ZNF740: variants seen among roughly 807,000 people sequenced by gnomAD.
ZNF740 encodes zinc finger protein 740.
A neutral mutation model predicts 24.8 loss-of-function variants in ZNF740; 14 were observed. The ratio of observed to expected loss-of-function variants is 0.56; its 90% CI spans 0.37 to 0.88. The LOEUF is 0.88. Among genes scored for constraint, ZNF740 ranks in the 40% least tolerant of loss-of-function variants. The pLI, the probability that ZNF740 is intolerant of heterozygous loss-of-function variation, is 0.00. For missense variants in ZNF740, 201 were observed against 247.9 expected (o/e 0.81, Z 1.27); for synonymous variants, 69 against 84.0 (o/e 0.82, Z 0.98).
rs1432199265 is a variant in ZNF740, at chr12:53,184,972, A to T, written c.91A>T (p.Ile31Phe). 1 of 1,614,038 alleles carries T rather than the reference A, an allele frequency of 6.2e-7. No individual in the cohort carries two copies. Among genetic ancestry groups the T allele is most frequent in the African/African-American group, 1.3e-5 (1 of 75,058 alleles). The change falls in exon 3 of 7, where the codon ATT (isoleucine) becomes TTT (phenylalanine). Residue 31 changes from isoleucine (I) to phenylalanine (F), a missense_variant. Ile to Phe is a conservative substitution (Grantham distance 21, BLOSUM62 0). Coordinates refer to ENST00000416904, the MANE Select transcript of ZNF740 (RefSeq NM_001004304.4). The part of the protein sequence containing the change: ...AASKKMMLSQ[I>F]ASKQAENGER... ...CAGCAAGAAGATGATGCTGAGCCAG[A>T]TTGCCAGCAAGCAGGCCGAGAATGG...
Position 53,191,980 on chromosome 12 carries a change from A to G in ZNF740, c.*4390A>G. On this transcript the variant is annotated 3_prime_UTR_variant, in exon 7 of 7. Transcript: ENST00000416904. Reference sequence around the variant, plus strand: ...CAGCCCCACTGCCACGATGCCCCCTACGCAGCCCAGCACAATGGCCTGCGT... The same window carrying G: ...CAGCCCCACTGCCACGATGCCCCCTGCGCAGCCCAGCACAATGGCCTGCGT... The G allele has an allele frequency of 6.2e-7, 1 of 1,612,370 alleles. No individual in the cohort carries two copies. Among genetic ancestry groups the G allele is most frequent in the Non-Finnish European group, 8.5e-7 (1 of 1,179,898 alleles).
Position 53,192,270 on chromosome 12 carries a change from C to A in ZNF740, c.*4680C>A. The A allele has an allele frequency of 6.6e-7, 1 of 1,524,430 alleles. No individual in the cohort carries two copies. The highest frequency in any genetic ancestry group is 9.1e-7 in the Non-Finnish European group (1 of 1,102,106). The allele number at this position is 1,524,430 out of a possible 1,614,324, so 94.4% of individuals were successfully genotyped here. Reference sequence around the variant, plus strand: ...TTTCCCATTATCTTCACTCTGCATCCCCAGAGTTGAGACCCTGCCCATCAA... The same window carrying A: ...TTTCCCATTATCTTCACTCTGCATCACCAGAGTTGAGACCCTGCCCATCAA... On this transcript the variant is annotated 3_prime_UTR_variant, in exon 7 of 7. Transcript: ENST00000416904.
rs1462873039 is a variant in ZNF740, at chr12:53,192,955, A to T, written c.*5365A>T. On this transcript the variant is annotated 3_prime_UTR_variant, in exon 7 of 7. Transcript: ENST00000416904. ...AGGGTGACAACCATACTCCACACACACAGTTGGCCATCATGTGGCACGACA... is the reference window on the plus strand; with the variant it reads ...AGGGTGACAACCATACTCCACACACTCAGTTGGCCATCATGTGGCACGACA... The T allele has an allele frequency of 6.3e-7, 1 of 1,575,196 alleles. No homozygotes were observed. Among genetic ancestry groups the T allele is most frequent in the African/African-American group, 1.3e-5 (1 of 74,154 alleles).
Position 53,191,396 on chromosome 12 carries a change from G to T in ZNF740, c.*3806G>T. 1.5e-6 allele frequency: 1 copy of T among 657,184 alleles called. No individual in the cohort carries two copies. The allele number at this position is 657,184 out of a possible 1,614,324, so 40.7% of individuals were successfully genotyped here. A position where few individuals can be genotyped will look rare whatever the true frequency, so the allele number is the denominator to read the frequency against. On this transcript the variant is annotated 3_prime_UTR_variant, in exon 7 of 7. Transcript: ENST00000416904. The stretch of plus-strand genomic sequence containing the variant: ...TGCAAGGTTGCAGGCATGGGAAGCA[G>T]CCCTCTTGGGTGTCACTCTGAAAAT...
Position 53,182,009 on chromosome 12 carries a change from T to G in ZNF740, c.9+17T>G. 6.2e-7 allele frequency: 1 copy of G among 1,606,166 alleles called. No homozygotes were observed. The highest frequency in any genetic ancestry group is 8.5e-7 in the Non-Finnish European group (1 of 1,176,164). On this transcript the variant is annotated intron_variant, in intron 2 of 6. Transcript: ENST00000416904. ...ATGGCTCAGGTAAAAAGCTCTAGAG[T>G]CCTCCTCCAAGATAACTGGGAAGCC...
Position 53,192,731 on chromosome 12 carries a change from C to G in ZNF740, c.*5141C>G. 1 of 1,614,192 alleles carries G rather than the reference C, an allele frequency of 6.2e-7. No homozygotes were observed. The highest frequency in any genetic ancestry group is 2.2e-5 in the East Asian group (1 of 44,890). The stretch of plus-strand genomic sequence containing the variant: ...GGTGTCTTGCAGCCTGGGCATTGGT[C>G]GCATAGAGCACCATAGTAGCCGTCC... On this transcript the variant is annotated 3_prime_UTR_variant, in exon 7 of 7. Transcript: ENST00000416904.
At chr12:53,184,429 G>A (rs1257845833) in intron 2 of ZNF740, among the ~76,000 whole-genome samples, 9 of 151,940 alleles carry the variant, frequency 5.9e-5, no homozygotes, top group African/African-American at 1.2e-4. Context: ...TTCGTGATCC[G>A]CCCGCCTCAT....
intron 2 of ZNF740, among the ~76,000 whole-genome samples, chr12:53,184,170 C>A (rs1941774620): frequency 8.1e-6 from 1 of 124,118 alleles, no homozygotes; most frequent in African/African-American, 3.7e-5. Flanking sequence ...CGCTCTGAAG[C>A]TAAGGGGTGT....
chr12:53,182,111 C>T lies in ZNF740; in HGVS notation c.9+119C>T, dbSNP rs1592382442. 8 of 1,389,096 alleles carry T rather than the reference C, an allele frequency of 5.8e-6. No individual in the cohort carries two copies. The East Asian group carries it at 7.5e-5, about 13-fold the overall frequency. 86.0% of individuals were successfully genotyped at this position (1,389,096 alleles called of 1,614,324 possible). On this transcript the variant is annotated intron_variant, in intron 2 of 6. Transcript: ENST00000416904. ...CCAGTGATCCAAGCTCTGTATTAAG[C>T]ACCAGGGGGAGATCTAGAGGAAGGA... is the stretch of plus-strand genomic sequence containing the variant.
At chr12:53,184,117 G>A (rs945897167) in intron 2 of ZNF740, among the ~76,000 whole-genome samples, 18 of 103,856 alleles carry the variant, frequency 1.7e-4, no homozygotes, top group African/African-American at 7.2e-4. Context: ...GCTAAGGGGT[G>A]TGTGTGTGTG....
In ZNF740 at chr12:53,192,735, T is replaced by C. The variant is rs149819743; in HGVS notation, c.*5145T>C. On this transcript the variant is annotated 3_prime_UTR_variant, in exon 7 of 7. Transcript: ENST00000416904. ...TCTTGCAGCCTGGGCATTGGTCGCA[T>C]AGAGCACCATAGTAGCCGTCCAAGC... 723 of 1,614,242 alleles carry C rather than the reference T, an allele frequency of 4.5e-4. 8 individuals carry two copies. In the African/African-American group the frequency reaches 8.6e-3, roughly 19 times the overall value.
intron 2 of ZNF740, among the ~76,000 whole-genome samples, chr12:53,183,850 C>T (rs968812281): frequency 1.3e-5 from 2 of 151,834 alleles, no homozygotes; most frequent in African/African-American, 4.8e-5. Flanking sequence ...ATGGTGAAAC[C>T]CCGTCTCTAT....
intron 2 of ZNF740, among the ~76,000 whole-genome samples, chr12:53,184,150 T>TGTGCACGC (rs59250662): frequency 3.8e-5 from 4 of 104,346 alleles, no homozygotes; most frequent in African/African-American, 1.5e-4. Flanking sequence ...TGTGTGTGTG[T>TGTGCACGC]GCGCGCGCGC....
At position 53,192,076 on chromosome 12, in the gene ZNF740, A is replaced by C; in HGVS notation, c.*4486A>C. Reference sequence around the variant, plus strand: ...AGCTGGAGCATAGGGACAGATCATCAGTTGCTCACAGTGTGTCCAGCCTGT... The same window carrying C: ...AGCTGGAGCATAGGGACAGATCATCCGTTGCTCACAGTGTGTCCAGCCTGT... On this transcript the variant is annotated 3_prime_UTR_variant, in exon 7 of 7. Transcript: ENST00000416904. 6.4e-7 allele frequency: 1 copy of C among 1,566,874 alleles called. No individual in the cohort carries two copies. The highest frequency in any genetic ancestry group is 8.7e-7 in the Non-Finnish European group (1 of 1,151,376).
At chr12:53,181,609 C>T (rs774277860) in intron 1 of ZNF740, 68 bp from the exon 2 acceptor site, 1 of 584,310 alleles carries the variant, frequency 1.7e-6, no homozygotes, top group African/African-American at 2.0e-5. Context: ...AAAAAAAATT[C>T]ATATCGCACG....
chr12:53,181,252 C>T (rs1941616292), intron 1 of ZNF740: 1 of 985,332 alleles, frequency 1.0e-6, no homozygotes. Context: ...AGAACGCACA[C>T]GTGTGGGCAC....
At position 53,192,357 on chromosome 12, in the gene ZNF740, C is replaced by T. The variant is rs901702148; in HGVS notation, c.*4767C>T. The T allele has an allele frequency of 5.0e-6, 8 of 1,614,002 alleles. No homozygotes were observed. In the African/African-American group the frequency reaches 9.3e-5, roughly 19 times the overall value. ...TCTTGGGGTCTCACTCTGAGCACGA[C>T]CGTGCCTCTGGCGTCATCCTCCACC... On this transcript the variant is annotated 3_prime_UTR_variant, in exon 7 of 7. Coordinates refer to ENST00000416904, the MANE Select transcript of ZNF740 (RefSeq NM_001004304.4).
intron 1 of ZNF740, 26 bp from the exon 2 acceptor site, chr12:53,181,651 G>GC: frequency 7.1e-6 from 3 of 425,262 alleles, no homozygotes; most frequent in Non-Finnish European, 1.1e-5. Context: ...GCATTTAGCA[G>GC]CCCCCCTCTT....
In ZNF740 at chr12:53,188,891, T is replaced by G. The variant is rs554108171; in HGVS notation, c.*1301T>G. 6.6e-6 allele frequency: 1 copy of G among 152,084 alleles called. No individual in the cohort carries two copies. The highest frequency in any genetic ancestry group is 2.4e-5 in the African/African-American group (1 of 41,392). The allele number at this position is 152,084 out of a possible 1,614,324, so 9.4% of individuals were successfully genotyped here. On this transcript the variant is annotated 3_prime_UTR_variant, in exon 7 of 7. Coordinates refer to ENST00000416904, the MANE Select transcript of ZNF740 (RefSeq NM_001004304.4). ...CCACTCCCAAAAAAGTAATCGGGTGTGTGTGTGTGTGTGAGAGAGAGTGTG... is the reference window on the plus strand; with the variant it reads ...CCACTCCCAAAAAAGTAATCGGGTGGGTGTGTGTGTGTGAGAGAGAGTGTG...
Sources: allele counts gnomAD v4.1 joint callset (sites outside exome capture counted in the v4.1 genomes callset), GRCh38; gene constraint gnomAD v4.1.1; transcripts MANE v1.5; gene names NCBI Gene and HGNC (gene_info 2026-07-23, HGNC 2026-07-21).